Variants in DNAJC6 observed in about 807,000 individuals in gnomAD.
DNAJC6 encodes the protein auxilin.
A neutral mutation model predicts 110.0 loss-of-function variants in DNAJC6; 34 were observed. The ratio of observed to expected loss-of-function variants is 0.31; its 90% CI spans 0.24 to 0.41. DNAJC6 has a LOEUF of 0.41. Ranked by LOEUF, DNAJC6 falls within the 10% of genes least tolerant of loss-of-function variation. The pLI, the probability that DNAJC6 is intolerant of heterozygous loss-of-function variation, is 1.00. For synonymous variants in DNAJC6, 406 were observed against 437.2 expected (o/e 0.93, Z 0.89); for missense variants, 1,031 against 1,207.8 (o/e 0.85, Z 2.17).
intron 1 of DNAJC6, among the ~76,000 whole-genome samples, chr1:65,351,400 C>A (rs1570313579): frequency 6.6e-6 from 1 of 152,252 alleles, no homozygotes; most frequent in East Asian, 1.9e-4. Context: ...AATTCTGAAA[C>A]TGATGGTTGT....
At position 65,386,912 on chromosome 1, in the gene DNAJC6, A is replaced by C; in HGVS notation, c.1096A>C (p.Ser366Arg). 1 of 1,613,968 alleles carries C rather than the reference A, an allele frequency of 6.2e-7. No individual in the cohort carries two copies. The highest frequency in any genetic ancestry group is 1.7e-5 in the Admixed American group (1 of 60,014). ...SMYHLRSTIG[S>R]RLQAKVTNTQ... is the part of the protein sequence containing the mutation. The stretch of plus-strand genomic sequence containing the variant: ...GTATCACTTGAGGTCAACCATTGGG[A>C]GCCGGCTACAGGCTAAGGTATGGTT... Residue 366 changes from serine to arginine, a missense_variant, in exon 8 of 19, where the codon AGC (serine) becomes CGC (arginine). Ser to Arg is a moderately radical substitution (Grantham distance 110). Transcript: ENST00000371069.
At chr1:65,306,971 TTTCTCTCTCTC>T (rs1645045655), upstream of DNAJC6, among the ~76,000 whole-genome samples, 4 of 107,128 alleles carry the variant, frequency 3.7e-5, no homozygotes, top group African/African-American at 1.5e-4. Flanking sequence ...TCTCAATCTG[TTTCTCTCTCTC>T]TCTCTCTCTC....
chr1:65,318,189 A>G (rs892740150), intron 1 of DNAJC6, among the ~76,000 whole-genome samples: 9 of 152,224 alleles, frequency 5.9e-5, no homozygotes, highest in Admixed American at 2.6e-4. Context: ...AGAAACCACA[A>G]TAATTTTAGG....
chr1:65,389,473 T>G (rs1287819287), intron 10 of DNAJC6, 24 bp downstream of exon 10: 6 of 1,613,508 alleles, frequency 3.7e-6, no homozygotes, highest in Non-Finnish European at 5.1e-6. Context: ...GATGGTTTTG[T>G]TTTTCAGGAT....
At chr1:65,385,640 T>A in intron 6 of DNAJC6, 72 bp from the exon 7 acceptor site, 1 of 1,327,316 alleles carries the variant, frequency 7.5e-7, no homozygotes, top group Non-Finnish European at 1.0e-6. Flanking sequence ...AGAAGAATCT[T>A]CATAGCAAAT....
At chr1:65,268,399 A>G (rs1054600390) in intron 1 of DNAJC6, among the ~76,000 whole-genome samples, 1 of 152,254 alleles carries the variant, frequency 6.6e-6, no homozygotes, top group Non-Finnish European at 1.5e-5. Context: ...GAGTGAGTTA[A>G]TAAGTAGATA....
At chr1:65,408,410 C>G (rs1159323007) in intron 16 of DNAJC6, among the ~76,000 whole-genome samples, 1 of 152,116 alleles carries the variant, frequency 6.6e-6, no homozygotes, top group Non-Finnish European at 1.5e-5. Context: ...GCTTCATGAT[C>G]CAGCCTCCAG....
chr1:65,273,634 C>T (rs1449812662), intron 1 of DNAJC6, among the ~76,000 whole-genome samples: 1 of 151,986 alleles, frequency 6.6e-6, no homozygotes, highest in African/African-American at 2.4e-5. Flanking sequence ...TATATAATAT[C>T]CTTTAAGCAT....
chr1:65,388,315 G>A, intron 8 of DNAJC6, 21 bp from the exon 9 acceptor site: 1 of 1,603,238 alleles, frequency 6.2e-7, no homozygotes, highest in South Asian at 1.1e-5. Flanking sequence ...ATTGTAATGT[G>A]CTTCTCTCAT....
intron 4 of DNAJC6, among the ~76,000 whole-genome samples, chr1:65,374,123 T>A (rs762389354): frequency 6.6e-6 from 1 of 152,162 alleles, no homozygotes; most frequent in Non-Finnish European, 1.5e-5. Flanking sequence ...GTTCTCTATT[T>A]TGTTCCATTA....
intron 1 of DNAJC6, among the ~76,000 whole-genome samples, chr1:65,296,024 G>A (rs1644925699): frequency 6.6e-6 from 1 of 152,148 alleles, no homozygotes; most frequent in Non-Finnish European, 1.5e-5. Context: ...CCACTACTTG[G>A]ACATTTCCTT....
In DNAJC6 at chr1:65,407,129, G is replaced by A. The variant is rs147711214; in HGVS notation, c.2491+996G>A. On this transcript the variant is annotated intron_variant, in intron 16 of 18. Transcript: ENST00000371069. Reference sequence around the variant, plus strand: ...CAAATTGTGCACTATTATGAGTAGCGTGATGAAACCTCGCACTGTCTTACT... The same window carrying A: ...CAAATTGTGCACTATTATGAGTAGCATGATGAAACCTCGCACTGTCTTACT... Among the ~76,000 whole-genome samples the A allele has an allele frequency of 4.9e-3, 747 of 152,252 alleles. 3 individuals carry two copies. The highest frequency in any genetic ancestry group is 0.017 in the African/African-American group (718 of 41,538).
Position 65,405,848 on chromosome 1 carries a change from C to T in DNAJC6, c.2228-22C>T, listed in dbSNP as rs374502971. 273 of 1,569,918 alleles carry T rather than the reference C, an allele frequency of 1.7e-4. 2 individuals are homozygous for T. The African/African-American group carries it at 3.4e-3, about 19-fold the overall frequency. On this transcript the variant is annotated intron_variant, in intron 15 of 18. Transcript: ENST00000371069. Reference sequence around the variant, plus strand: ...AGGCCACTCAAAATAGTTTTACCTTCTTTATCTCTTTTTTTCTTTAGGTAG... The same window carrying T: ...AGGCCACTCAAAATAGTTTTACCTTTTTTATCTCTTTTTTTCTTTAGGTAG...
Position 65,401,782 on chromosome 1 carries a change from A to G in DNAJC6, c.2129A>G (p.Lys710Arg). 1 of 1,613,502 alleles carries G rather than the reference A, an allele frequency of 6.2e-7. No homozygotes were observed. The highest frequency in any genetic ancestry group is 1.1e-5 in the South Asian group (1 of 90,978). Residue 710 changes from lysine to arginine, a missense_variant, in exon 15 of 19, where the codon AAG (lysine) becomes AGG (arginine). Transcript: ENST00000371069. ...TCAGGAGGCTTTGGAATGGGAAGCA[A>G]GTCAGCTGCCACCAGCCCAACCGGA... Reference protein sequence around the residue: ...AKPGGFGMGSKSAATSPTGSS... With the variant: ...AKPGGFGMGSRSAATSPTGSS...
At chr1:65,302,345 T>C (rs866540303) in intron 1 of DNAJC6, among the ~76,000 whole-genome samples, 37 of 138,354 alleles carry the variant, frequency 2.7e-4, no homozygotes, top group Middle Eastern at 7.4e-3. Flanking sequence ...GAATATCCCC[T>C]CCACAACTCA....
At chr1:65,346,572 A>G (rs1645438852) in intron 1 of DNAJC6, among the ~76,000 whole-genome samples, 1 of 152,058 alleles carries the variant, frequency 6.6e-6, no homozygotes, top group Non-Finnish European at 1.5e-5. Context: ...TCCAGTATGT[A>G]TTATAGTTGG....
At chr1:65,365,807 T>C (rs1645640340) in intron 2 of DNAJC6, 78 bp from the exon 3 acceptor site, 3 of 1,506,636 alleles carry the variant, frequency 2.0e-6, no homozygotes, top group African/African-American at 2.8e-5. Flanking sequence ...CCAGTTCATA[T>C]GCGCAAGTGA....
At chr1:65,317,277 G>A (rs757501290) in intron 1 of DNAJC6, among the ~76,000 whole-genome samples, 2 of 152,176 alleles carry the variant, frequency 1.3e-5, no homozygotes, top group Non-Finnish European at 2.9e-5. Context: ...TACAGTTATT[G>A]TATATTAAAC....
chr1:65,310,456 G>A (rs1645088952), intron 1 of DNAJC6, among the ~76,000 whole-genome samples: 1 of 152,228 alleles, frequency 6.6e-6, no homozygotes, highest in African/African-American at 2.4e-5. Flanking sequence ...TAACTCAGCC[G>A]TCTGCTAGGG....
Sources: gnomAD v4.1 joint callset for allele counts (sites outside exome capture counted in the v4.1 genomes callset) on GRCh38, gnomAD v4.1.1 for gene constraint, MANE v1.5 for transcripts, NCBI Gene and HGNC (gene_info 2026-07-23, HGNC 2026-07-21) for gene names.